TNFRSF14: variants seen among roughly 807,000 people sequenced by gnomAD.
TNFRSF14 encodes tumor necrosis factor receptor superfamily member 14.
In TNFRSF14, 18 loss-of-function variants were observed where a neutral mutation model predicts 34.1. That is an observed-to-expected ratio of 0.53 (90% CI 0.36 to 0.78). The LOEUF is 0.78. Ranked by LOEUF, TNFRSF14 falls within the 30% of genes least tolerant of loss-of-function variation. The pLI is 0.00. For synonymous variants in TNFRSF14, 157 were observed against 153.2 expected (o/e 1.02, Z -0.18); for missense variants, 352 against 379.5 (o/e 0.93, Z 0.60).
At chr1:2,558,665 A>C in intron 3 of TNFRSF14, 197 bp downstream of exon 3, 5 of 1,187,322 alleles carry the variant, frequency 4.2e-6, no homozygotes, top group South Asian at 1.5e-5. Context: ...CCTCTGTCTC[A>C]CCTCTCACTT....
Position 2,563,637 on chromosome 1 carries a change from C to T in TNFRSF14, c.*364C>T, listed in dbSNP as rs1644345000. On this transcript the variant is annotated 3_prime_UTR_variant, in exon 8 of 8. Transcript: ENST00000355716. ...GCGCGTCTGACTCTTGTGGCCTCAG[C>T]AGGACAGGCCCCGGGCACTGCCTCA... The T allele has an allele frequency of 3.4e-6, 1 of 295,322 alleles. No individual in the cohort carries two copies. Among genetic ancestry groups the T allele is most frequent in the Non-Finnish European group, 6.4e-6 (1 of 157,048 alleles). 18.3% of individuals were successfully genotyped at this position (295,322 alleles called of 1,614,324 possible).
intron 1 of TNFRSF14, 99 bp downstream of exon 1, chr1:2,556,832 C>A: frequency 7.8e-7 from 1 of 1,280,512 alleles, no homozygotes; most frequent in Non-Finnish European, 1.1e-6. Context: ...CTGGCCGTTG[C>A]TGGCTCCGGC....
chr1:2,556,133 G>A (rs749169424), upstream of TNFRSF14: 16 of 367,088 alleles, frequency 4.4e-5, no homozygotes, highest in Admixed American at 1.6e-4. Flanking sequence ...GGTTTTATTC[G>A]GAAGGGAAGT....
In TNFRSF14 at chr1:2,556,580, C is replaced by G; in HGVS notation, c.-85C>G. The G allele has an allele frequency of 7.5e-7, 1 of 1,330,028 alleles. No individual in the cohort carries two copies. Among genetic ancestry groups the G allele is most frequent in the African/African-American group, 1.5e-5 (1 of 68,898 alleles). 82.4% of individuals were successfully genotyped at this position (1,330,028 alleles called of 1,614,324 possible). A position where few individuals can be genotyped will look rare whatever the true frequency, so the allele number is the denominator to read the frequency against. On this transcript the variant is annotated 5_prime_UTR_variant, in exon 1 of 8. Coordinates refer to ENST00000355716, the MANE Select transcript of TNFRSF14 (RefSeq NM_003820.4). ...TTCTCTTTCTCTTTCTCTTCTGGCC[C>G]ACAGCCGCAGCAATGGCGCTGAGTT...
At chr1:2,557,878 A>G in intron 2 of TNFRSF14, 44 bp downstream of exon 2, 1 of 1,495,842 alleles carries the variant, frequency 6.7e-7, no homozygotes, top group African/African-American at 1.4e-5. Context: ...GGCCGAGGGC[A>G]GACACTCTTG....
At chr1:2,560,477 T>A in intron 4 of TNFRSF14, 147 bp from the exon 5 acceptor site, 1 of 616,438 alleles carries the variant, frequency 1.6e-6, no homozygotes. Flanking sequence ...TCCAAGACTC[T>A]GGACAGGGAG....
rs1341264788 is a variant in TNFRSF14, at chr1:2,563,344, C to T, written c.*71C>T. The stretch of plus-strand genomic sequence containing the variant: ...CTGCTGAAAGAGGCTGTCCACCTGG[C>T]GGAACCACCGGAGCCCGGAGGCTTG... On this transcript the variant is annotated 3_prime_UTR_variant, in exon 8 of 8. Transcript: ENST00000355716. The T allele has an allele frequency of 1.6e-5, 25 of 1,586,938 alleles. No individual in the cohort carries two copies. The highest frequency in any genetic ancestry group is 5.4e-5 in the African/African-American group (4 of 74,306).
At chr1:2,555,998 G>C (rs1380679671), upstream of TNFRSF14, 1 of 225,258 alleles carries the variant, frequency 4.4e-6, no homozygotes, top group Admixed American at 5.4e-5. The surrounding 1 kb of genome is among the most constrained non-coding windows in gnomAD (Gnocchi z 6.3). Flanking sequence ...TGCAGGGGGA[G>C]CAAGAGCTGC....
rs1225258612 is a variant in TNFRSF14, at chr1:2,560,730, G to A, written c.551+16G>A. The A allele has an allele frequency of 1.9e-6, 3 of 1,611,712 alleles. No individual in the cohort carries two copies. The African/African-American group carries it at 4.0e-5, about 22-fold the overall frequency. Reference sequence around the variant, plus strand: ...ACCAGACCAAGTAAGTGAACCCGGGGGAGGCCCAGCTCTGTGCCCTGGGGA... The same window carrying A: ...ACCAGACCAAGTAAGTGAACCCGGGAGAGGCCCAGCTCTGTGCCCTGGGGA... On this transcript the variant is annotated intron_variant, in intron 5 of 7. Transcript: ENST00000355716.
chr1:2,561,880 C>A lies in TNFRSF14; in HGVS notation c.694+65C>A. On this transcript the variant is annotated intron_variant, in intron 6 of 7. Coordinates refer to ENST00000355716, the MANE Select transcript of TNFRSF14 (RefSeq NM_003820.4). The surrounding 1 kb of genome is among the most constrained non-coding windows in gnomAD (Gnocchi z 6.0). ...CCGTCACCTCTTGGAGCTCTGTCACCCCAAGCCTGGGAGGTGGCCCCAGAG... is the reference window on the plus strand; with the variant it reads ...CCGTCACCTCTTGGAGCTCTGTCACACCAAGCCTGGGAGGTGGCCCCAGAG... The A allele has an allele frequency of 1.3e-6, 2 of 1,538,278 alleles. No homozygotes were observed. The highest frequency in any genetic ancestry group is 1.8e-5 in the Admixed American group (1 of 55,088).
At chr1:2,556,793 C>T (rs1644222232) in intron 1 of TNFRSF14, 60 bp downstream of exon 1, 27 of 1,475,184 alleles carry the variant, frequency 1.8e-5, no homozygotes, top group Non-Finnish European at 2.5e-5. Flanking sequence ...CCCAGGGCCT[C>T]CCACAGATCT....
At position 2,556,601 on chromosome 1, in the gene TNFRSF14, G is replaced by T; in HGVS notation, c.-64G>T. On this transcript the variant is annotated 5_prime_UTR_variant, in exon 1 of 8. Coordinates refer to ENST00000355716, the MANE Select transcript of TNFRSF14 (RefSeq NM_003820.4). ...GGCCCACAGCCGCAGCAATGGCGCT[G>T]AGTTCCTCTGCTGGAGTTCATCCTG... 1 of 1,488,314 alleles carries T rather than the reference G, an allele frequency of 6.7e-7. No homozygotes were observed. Among genetic ancestry groups the T allele is most frequent in the African/African-American group, 1.4e-5 (1 of 72,318 alleles). 92.2% of individuals were successfully genotyped at this position (1,488,314 alleles called of 1,614,324 possible). A position where few individuals can be genotyped will look rare whatever the true frequency, so the allele number is the denominator to read the frequency against.
At chr1:2,559,179 G>A (rs766361360) in intron 3 of TNFRSF14, 1 of 1,368,068 alleles carries the variant, frequency 7.3e-7, no homozygotes, top group South Asian at 1.2e-5. Context: ...ATGAACAGAA[G>A]AGGAAGCTGG....
At chr1:2,559,555 G>T in intron 3 of TNFRSF14, 1 of 1,520,520 alleles carries the variant, frequency 6.6e-7, no homozygotes, top group Non-Finnish European at 8.8e-7. Flanking sequence ...GCCCATCTGG[G>T]CAGAAGGCTG....
chr1:2,561,535 T>C lies in TNFRSF14; in HGVS notation c.552-138T>C, dbSNP rs1319516110. On this transcript the variant is annotated intron_variant, in intron 5 of 7. Coordinates refer to ENST00000355716, the MANE Select transcript of TNFRSF14 (RefSeq NM_003820.4). This position sits in a 1 kb window ranked among gnomAD's most constrained non-coding sequence, Gnocchi z 6.0. ...CAGACAGACCTCTGAGGTCTCATCC[T>C]GGAGCTGCCACCAGCCCAGCCTCCC... 7.7e-6 allele frequency: 12 copies of C among 1,560,614 alleles called. No homozygotes were observed. Among genetic ancestry groups the C allele is most frequent in the Non-Finnish European group, 1.0e-5 (12 of 1,152,064 alleles).
At chr1:2,560,583 C>G in intron 4 of TNFRSF14, 41 bp from the exon 5 acceptor site, 2 of 1,542,752 alleles carry the variant, frequency 1.3e-6, no homozygotes, top group Non-Finnish European at 1.8e-6. Context: ...CCCTCCTGGC[C>G]TGGTGCCCTC....
Position 2,556,531 on chromosome 1 carries a change from T to C in TNFRSF14, c.-134T>C. 3 of 932,362 alleles carry C rather than the reference T, an allele frequency of 3.2e-6. No individual in the cohort carries two copies. The highest frequency in any genetic ancestry group is 5.1e-6 in the Non-Finnish European group (3 of 586,342). The allele number at this position is 932,362 out of a possible 1,614,324, so 57.8% of individuals were successfully genotyped here. A position where few individuals can be genotyped will look rare whatever the true frequency, so the allele number is the denominator to read the frequency against. On this transcript the variant is annotated 5_prime_UTR_variant, in exon 1 of 8. Coordinates refer to ENST00000355716, the MANE Select transcript of TNFRSF14 (RefSeq NM_003820.4). ...TGCTGCTCGGGTTCTGAGGCACAGCTTGTCACACCGAGGCGGATTCTCTTT... is the reference window on the plus strand; with the variant it reads ...TGCTGCTCGGGTTCTGAGGCACAGCCTGTCACACCGAGGCGGATTCTCTTT...
intron 3 of TNFRSF14, chr1:2,559,162 G>T: frequency 7.3e-7 from 1 of 1,365,488 alleles, no homozygotes; most frequent in South Asian, 1.2e-5. Context: ...GGGCAGGTGG[G>T]CTAGCCATGA....
chr1:2,560,862 C>G (rs1422956538), intron 5 of TNFRSF14, 148 bp downstream of exon 5: 1 of 678,966 alleles, frequency 1.5e-6, no homozygotes, highest in Non-Finnish European at 2.6e-6. Flanking sequence ...TCCAGGAGAG[C>G]TGCAGGGCTG....
Sources: gnomAD v4.1 joint callset for allele counts on GRCh38, gnomAD v4.1.1 for gene constraint, Gnocchi (gnomAD v3.1) non-coding constraint, MANE v1.5 for transcripts, NCBI Gene and HGNC (gene_info 2026-07-23, HGNC 2026-07-21) for gene names.